Variants in RBFOX1 observed in about 807,000 individuals in gnomAD.
RBFOX1 encodes the protein RNA binding protein fox-1 homolog 1.
A neutral mutation model predicts 57.7 loss-of-function variants in RBFOX1; 8 were observed. The ratio of observed to expected loss-of-function variants is 0.14; its 90% CI spans 0.08 to 0.25. The LOEUF is 0.25. Ranked by LOEUF, RBFOX1 falls within the 10% of genes least tolerant of loss-of-function variation. RBFOX1 has a pLI of 1.00. For synonymous variants in RBFOX1, 326 were observed against 222.4 expected, an observed-to-expected ratio of 1.47 and a Z score of -4.15; for missense variants, 611 against 548.5, an observed-to-expected ratio of 1.11 and a Z score of -1.14.
At chr16:6,922,317 G>T (rs1345883910) in intron 3 of RBFOX1, among the ~76,000 whole-genome samples, 4 of 152,038 alleles carry the variant, frequency 2.6e-5, no homozygotes, top group African/African-American at 7.2e-5. Context: ...TTTCAGTTCC[G>T]AGTGTCCGGT....
chr16:7,681,402 T>C (rs1480221942), intron 14 of RBFOX1, among the ~76,000 whole-genome samples: 1 of 152,134 alleles, frequency 6.6e-6, no homozygotes, highest in Non-Finnish European at 1.5e-5. Context: ...CAAGCTGAAC[T>C]AAAAAAGTAA....
Position 6,907,011 on chromosome 16 carries a change from A to C in RBFOX1, c.-15-145046A>C, listed in dbSNP as rs538867804. Among the ~76,000 whole-genome samples the C allele has an allele frequency of 9.6e-4, 146 of 152,256 alleles. 2 individuals carry two copies. The East Asian group carries it at 0.013, about 13-fold the overall frequency. Reference sequence around the variant, plus strand: ...AGTGCTAGGATTACAGGCATGAGCCACCGCACCCAGCTTGCAGAACTAAAT... The same window carrying C: ...AGTGCTAGGATTACAGGCATGAGCCCCCGCACCCAGCTTGCAGAACTAAAT... On this transcript the variant is annotated intron_variant, in intron 3 of 15. Transcript: ENST00000550418.
chr16:6,038,165 TATTA>T (rs1434051588), intron 1 of RBFOX1: 1 of 149,220 alleles, frequency 6.7e-6, no homozygotes, highest in Non-Finnish European at 1.5e-5. Context: ...TATATTTATT[TATTA>T]TTTTATTTTA....
chr16:5,893,180 C>A (rs920629601), intron 4 of RBFOX1, among the ~76,000 whole-genome samples: 1 of 152,166 alleles, frequency 6.6e-6, no homozygotes, highest in Non-Finnish European at 1.5e-5. Context: ...AGCTGATGCT[C>A]CAGAAGTATG....
intron 4 of RBFOX1, among the ~76,000 whole-genome samples, chr16:7,465,736 C>T (rs2060397911): frequency 6.6e-6 from 1 of 152,096 alleles, no homozygotes; most frequent in South Asian, 2.1e-4. Context: ...TTTGTGGGTC[C>T]CTCTTCAAGC....
intron 4 of RBFOX1, among the ~76,000 whole-genome samples, chr16:7,305,925 T>G (rs928710630): frequency 2.6e-5 from 4 of 152,370 alleles, no homozygotes; most frequent in African/African-American, 9.6e-5. Context: ...TGTGGGTGTG[T>G]GTGTAAATGT....
intron 1 of RBFOX1, among the ~76,000 whole-genome samples, chr16:5,254,318 C>G (rs537525986): frequency 6.6e-6 from 1 of 152,166 alleles, no homozygotes; most frequent in African/African-American, 2.4e-5. Flanking sequence ...TGAGAGACAA[C>G]TTTAGGACAG....
chr16:6,696,388 T>C (rs1417808640), intron 3 of RBFOX1, among the ~76,000 whole-genome samples: 1 of 152,234 alleles, frequency 6.6e-6, no homozygotes, highest in Non-Finnish European at 1.5e-5. Flanking sequence ...TTGTTTTATA[T>C]TGAAACCTCA....
intron 4 of RBFOX1, among the ~76,000 whole-genome samples, chr16:7,406,296 T>G (rs1029617018): frequency 2.0e-5 from 3 of 152,308 alleles, no homozygotes; most frequent in African/African-American, 7.2e-5. Context: ...TTCATACGGT[T>G]TCTAATCCTT....
Position 7,341,779 on chromosome 16 carries a change from C to T in RBFOX1, c.28-176368C>T, listed in dbSNP as rs185474071. ...CCTTCCCTCCTTCCCTCCCTCCCTC[C>T]TTCCTTCCTTCCTTCCTTCCTTCCT... is the stretch of plus-strand genomic sequence containing the variant. On this transcript the variant is annotated intron_variant, in intron 4 of 15. Coordinates refer to ENST00000550418, the MANE Select transcript of RBFOX1 (RefSeq NM_018723.4). 7.8e-3 allele frequency among the ~76,000 whole-genome samples: 430 copies of T among 55,330 alleles called. 4 individuals are homozygous for T. Among genetic ancestry groups the T allele is most frequent in the African/African-American group, 0.013 (110 of 8,474 alleles). 36.3% of individuals were successfully genotyped at this position (55,330 alleles called of 152,430 possible). A position where few individuals can be genotyped will look rare whatever the true frequency, so the allele number is the denominator to read the frequency against.
chr16:7,249,168 TCAC>T (rs1237490731), intron 4 of RBFOX1, among the ~76,000 whole-genome samples: 2 of 152,178 alleles, frequency 1.3e-5, no homozygotes, highest in Non-Finnish European at 2.9e-5. Flanking sequence ...TTAGGTGGTA[TCAC>T]CACCAACCTT....
At chr16:6,580,568 C>T (rs979041414) in intron 2 of RBFOX1, among the ~76,000 whole-genome samples, 2 of 140,868 alleles carry the variant, frequency 1.4e-5, no homozygotes, top group African/African-American at 5.0e-5. Context: ...TTGCTCAATT[C>T]TGCAAAACCA....
intron 2 of RBFOX1, among the ~76,000 whole-genome samples, chr16:5,532,137 C>G (rs1421216101): frequency 4.6e-5 from 7 of 152,146 alleles, no homozygotes; most frequent in Admixed American, 4.6e-4. Flanking sequence ...AACCTCAACA[C>G]TATTGATGTG....
chr16:7,025,753 C>T (rs1004554096), intron 3 of RBFOX1, among the ~76,000 whole-genome samples: 4 of 152,038 alleles, frequency 2.6e-5, no homozygotes, highest in Admixed American at 6.5e-5. Flanking sequence ...ATGGGCGTCC[C>T]GGGGAATCCT....
chr16:5,511,600 T>A lies in RBFOX1; in HGVS notation c.258+44346T>A, dbSNP rs564640839. Among the ~76,000 whole-genome samples the A allele has an allele frequency of 3.9e-5, 6 of 152,318 alleles. No individual in the cohort carries two copies. In the East Asian group the frequency reaches 1.2e-3, roughly 29 times the overall value. On this transcript the variant is annotated intron_variant, in intron 2 of 2. Coordinates refer to the RBFOX1 transcript ENST00000585867. ...CAGCTCTGTGCCTCTTTCCCCTCAA[T>A]ATGATAATCAATAACTTTTTGAGTA...
chr16:7,280,985 C>CTGCT lies in RBFOX1; in HGVS notation c.27+228888_27+228889insGCTT, dbSNP rs1555661722. 8.2e-5 allele frequency among the ~76,000 whole-genome samples: 9 copies of CTGCT among 109,608 alleles called. No individual in the cohort carries two copies. The Admixed American group carries it at 8.2e-4, about 10-fold the overall frequency. 71.9% of individuals were successfully genotyped at this position (109,608 alleles called of 152,430 possible). On this transcript the variant is annotated intron_variant, in intron 4 of 15. Transcript: ENST00000550418. ...CCTCCCTCCCTCCCTCCCTCCCTCC[C>CTGCT]TCCCTCCTTCCTTCCTTCCTTCCTT...
intron 1 of RBFOX1, among the ~76,000 whole-genome samples, chr16:6,102,656 A>G (rs1010995478): frequency 6.6e-6 from 1 of 152,072 alleles, no homozygotes; most frequent in African/African-American, 2.4e-5. Context: ...ATTGTCTTTC[A>G]GATAATATTG....
At chr16:5,875,334 C>T (rs1227559476) in intron 4 of RBFOX1, among the ~76,000 whole-genome samples, 1 of 152,174 alleles carries the variant, frequency 6.6e-6, no homozygotes, top group Non-Finnish European at 1.5e-5. Context: ...TGTCTGATTG[C>T]AACACCTGGG....
At chr16:7,710,354 T>A in intron 15 of RBFOX1, 1 of 1,287,622 alleles carries the variant, frequency 7.8e-7, no homozygotes, top group Non-Finnish European at 9.8e-7. Flanking sequence ...GTGAAAATCC[T>A]TCCATTGTCC....
Sources: allele counts gnomAD v4.1 joint callset (sites outside exome capture counted in the v4.1 genomes callset), GRCh38; gene constraint gnomAD v4.1.1; transcripts MANE v1.5; gene names NCBI Gene and HGNC (gene_info 2026-07-23, HGNC 2026-07-21).